The following CCDC195 variants were observed in gnomAD, a reference collection of about 807,000 sequenced individuals.
CCDC195 encodes the protein coiled-coil domain-containing protein 195.
chr2:224,706,635 C>G (rs890950121), intron 2 of CCDC195, among the ~76,000 whole-genome samples: 2 of 150,748 alleles, frequency 1.3e-5, no homozygotes, highest in Non-Finnish European at 2.9e-5. Context: ...CTCAGCCTCC[C>G]AAGTAGCTGA....
At chr2:224,710,993 G>A (rs776069810) in intron 1 of CCDC195, among the ~76,000 whole-genome samples, 9 of 152,124 alleles carry the variant, frequency 5.9e-5, no homozygotes, top group Non-Finnish European at 1.0e-4. Flanking sequence ...TTAAAATTGG[G>A]AGAACATGAA....
At chr2:224,708,213 A>G (rs962267238) in intron 2 of CCDC195, among the ~76,000 whole-genome samples, 1 of 152,188 alleles carries the variant, frequency 6.6e-6, no homozygotes, top group Non-Finnish European at 1.5e-5. Context: ...AACTTTTTGA[A>G]TCTATTGGTG....
At chr2:224,706,908 C>T (rs1017336495) in intron 2 of CCDC195, among the ~76,000 whole-genome samples, 9 of 148,228 alleles carry the variant, frequency 6.1e-5, no homozygotes, top group Non-Finnish European at 1.0e-4. Flanking sequence ...TATATATATA[C>T]ACACACGCGC....
intron 1 of CCDC195, among the ~76,000 whole-genome samples, chr2:224,713,516 A>G (rs996762767): frequency 1.3e-5 from 2 of 152,156 alleles, no homozygotes; most frequent in Non-Finnish European, 2.9e-5. Context: ...CATTTAGCCC[A>G]ATCCACTTAT....
chr2:224,708,666 A>G (rs1470186399), intron 2 of CCDC195, among the ~76,000 whole-genome samples: 4 of 152,166 alleles, frequency 2.6e-5, no homozygotes, highest in African/African-American at 9.7e-5. Context: ...TCCAATATTT[A>G]TGAGAATTCC....
chr2:224,713,457 T>C (rs1468485813), intron 1 of CCDC195, among the ~76,000 whole-genome samples: 1 of 152,186 alleles, frequency 6.6e-6, no homozygotes, highest in African/African-American at 2.4e-5. Flanking sequence ...TACATCACTC[T>C]GTATTCATAG....
intron 2 of CCDC195, among the ~76,000 whole-genome samples, chr2:224,709,086 CTTTTTTTTTT>C (rs35179742): frequency 3.1e-5 from 3 of 95,766 alleles, no homozygotes; most frequent in African/African-American, 4.3e-5. Flanking sequence ...TTTCTTTTGT[CTTTTTTTTTT>C]TTTTTTTTTT....
chr2:224,704,808 G>A, intron 2 of CCDC195, among the ~76,000 whole-genome samples: 1 of 151,942 alleles, frequency 6.6e-6, no homozygotes, highest in East Asian at 1.9e-4. Flanking sequence ...TTTTAGTAGA[G>A]ACGAGTTTTC....
rs1689379761 is a variant in CCDC195, at chr2:224,716,113, C to G, written c.235+18G>C. The G allele has an allele frequency of 1.3e-5, 5 of 398,548 alleles. No individual in the cohort carries two copies. The East Asian group carries it at 1.8e-4, about 14-fold the overall frequency. 24.7% of individuals were successfully genotyped at this position (398,548 alleles called of 1,614,324 possible). Reference sequence around the variant, plus strand: ...GCAAAATGGGCACAGCCCACAAGAGCTCAGAATGTTTGGGTACCTTGGTGT... The same window carrying G: ...GCAAAATGGGCACAGCCCACAAGAGGTCAGAATGTTTGGGTACCTTGGTGT... On this transcript the variant is annotated intron_variant, in intron 1 of 2. Transcript: ENST00000638102.
chr2:224,708,727 T>G (rs1689261347), intron 2 of CCDC195, among the ~76,000 whole-genome samples: 1 of 152,236 alleles, frequency 6.6e-6, no homozygotes, highest in Non-Finnish European at 1.5e-5. Context: ...CTGCCACTGC[T>G]GAGTTCGATG....
chr2:224,705,241 G>A (rs1425108958), intron 2 of CCDC195, among the ~76,000 whole-genome samples: 1 of 152,138 alleles, frequency 6.6e-6, no homozygotes, highest in Non-Finnish European at 1.5e-5. Context: ...TATATTTATT[G>A]TAATGAATCT....
chr2:224,715,038 C>T (rs1203198456), intron 1 of CCDC195, among the ~76,000 whole-genome samples: 1 of 152,124 alleles, frequency 6.6e-6, no homozygotes, highest in Non-Finnish European at 1.5e-5. Flanking sequence ...AAGTGATTCT[C>T]CTGCCTCAGC....
chr2:224,709,086 CTTT>C (rs35179742), intron 2 of CCDC195, among the ~76,000 whole-genome samples: 7 of 95,756 alleles, frequency 7.3e-5, no homozygotes, highest in Admixed American at 2.4e-4. Context: ...TTTCTTTTGT[CTTT>C]TTTTTTTTTT....
intron 2 of CCDC195, among the ~76,000 whole-genome samples, chr2:224,708,584 C>T (rs969518349): frequency 2.0e-5 from 3 of 152,170 alleles, no homozygotes; most frequent in Admixed American, 2.0e-4. Context: ...AATTTTCATC[C>T]TGTCTTTGGA....
intron 2 of CCDC195, 92 bp from the exon 3 acceptor site, chr2:224,703,979 A>T: frequency 2.5e-6 from 1 of 396,868 alleles, no homozygotes; most frequent in Non-Finnish European, 4.4e-6. Context: ...ACCAGATACT[A>T]CCTACAGTGT....
chr2:224,707,447 TTC>T (rs912223177), intron 2 of CCDC195, among the ~76,000 whole-genome samples: 18 of 152,112 alleles, frequency 1.2e-4, no homozygotes, highest in African/African-American at 4.1e-4. Context: ...GCCTAGAGAG[TTC>T]TCTCTTTAGC....
chr2:224,709,086 C>CTTTTTTTTTT (rs35179742), intron 2 of CCDC195, among the ~76,000 whole-genome samples: 34 of 95,750 alleles, frequency 3.6e-4, no homozygotes, highest in African/African-American at 7.7e-4. Context: ...TTTCTTTTGT[C>CTTTTTTTTTT]TTTTTTTTTT....
Position 224,710,047 on chromosome 2 carries a change from C to T in CCDC195, c.408G>A (p.Lys136=), listed in dbSNP as rs556746413. 7.5e-6 allele frequency: 3 copies of T among 398,580 alleles called. No homozygotes were observed. In the South Asian group the frequency reaches 3.8e-4, roughly 51 times the overall value. The allele number at this position is 398,580 out of a possible 1,614,324, so 24.7% of individuals were successfully genotyped here. Residue 136 remains lysine (K), a synonymous_variant, in exon 2 of 3, where the codon AAG becomes AAA. Coordinates refer to ENST00000638102, the Ensembl canonical transcript of CCDC195. ...TGGTGAGAGAATCTGTGGCAAACAC[C>T]TTTTCTTCCATGTCTTGCTTCTTAA...
intron 2 of CCDC195, among the ~76,000 whole-genome samples, chr2:224,705,451 C>A (rs1026102586): frequency 6.6e-6 from 1 of 152,090 alleles, no homozygotes; most frequent in African/African-American, 2.4e-5. Context: ...GAAATATTGA[C>A]ATTGGCATTA....
Sources: allele counts gnomAD v4.1 joint callset (sites outside exome capture counted in the v4.1 genomes callset), GRCh38; gene constraint gnomAD v4.1.1; transcripts MANE v1.5; gene names NCBI Gene and HGNC (gene_info 2026-07-23, HGNC 2026-07-21).